The following DERL2 variants were observed in gnomAD, a reference collection of about 807,000 sequenced individuals.
The protein encoded by DERL2 is derlin 2.
In DERL2, 13 loss-of-function variants were observed where a neutral mutation model predicts 32.0. The observed-to-expected ratio is 0.41, with a 90% CI of 0.26 to 0.65. DERL2 has a LOEUF of 0.65. DERL2 is among the 30% of genes least tolerant of loss of function. The pLI is 0.35. For synonymous variants in DERL2, 111 were observed against 104.7 expected (o/e 1.06, Z -0.37); for missense variants, 208 against 296.3 (o/e 0.70, Z 2.19).
Position 5,474,853 on chromosome 17 carries a change from G to C in DERL2, c.615-64C>G. 1 of 1,291,910 alleles carries C rather than the reference G, an allele frequency of 7.7e-7. No homozygotes were observed. 80.0% of individuals were successfully genotyped at this position (1,291,910 alleles called of 1,614,324 possible). ...CATCTCAGGTCCAAAGTACTACAAG[G>C]TCAGTTCAGGCCCCATAGGGTTTCC... On this transcript the variant is annotated intron_variant, in intron 6 of 6. Coordinates refer to ENST00000158771, the MANE Select transcript of DERL2 (RefSeq NM_016041.5). The surrounding 1 kb of genome is among the most constrained non-coding windows in gnomAD (Gnocchi z 4.3).
chr17:5,479,817 T>A (rs1277612668), intron 6 of DERL2, among the ~76,000 whole-genome samples: 1 of 152,170 alleles, frequency 6.6e-6, no homozygotes, highest in African/African-American at 2.4e-5. Flanking sequence ...TCTCTAACAA[T>A]TACCAGGTTA....
intron 6 of DERL2, among the ~76,000 whole-genome samples, chr17:5,478,698 C>T (rs994794365): frequency 1.3e-5 from 2 of 152,204 alleles, no homozygotes; most frequent in Admixed American, 1.3e-4. Flanking sequence ...GCACTAACGT[C>T]AATGTCCATC....
At chr17:5,476,037 G>C (rs1049870030) in intron 6 of DERL2, among the ~76,000 whole-genome samples, 1 of 152,154 alleles carries the variant, frequency 6.6e-6, no homozygotes, top group African/African-American at 2.4e-5. Context: ...CATTTAAAAT[G>C]AGTTAAGATG....
In DERL2 at chr17:5,481,467, C is replaced by T. The variant is rs1487495384; in HGVS notation, c.234-78G>A. 13 of 957,572 alleles carry T rather than the reference C, an allele frequency of 1.4e-5. No homozygotes were observed. The highest frequency in any genetic ancestry group is 2.2e-5 in the Non-Finnish European group (13 of 602,760). 59.3% of individuals were successfully genotyped at this position (957,572 alleles called of 1,614,324 possible). ...AATTTAATGTTATCTTGTAAGTACACTTGGATTCCATATTATTTGTAATTA... is the reference window on the plus strand; with the variant it reads ...AATTTAATGTTATCTTGTAAGTACATTTGGATTCCATATTATTTGTAATTA... On this transcript the variant is annotated intron_variant, in intron 3 of 6. Coordinates refer to ENST00000158771, the MANE Select transcript of DERL2 (RefSeq NM_016041.5). The surrounding 1 kb of genome is among the most constrained non-coding windows in gnomAD (Gnocchi z 4.4).
Position 5,481,233 on chromosome 17 carries a change from A to G in DERL2, c.327+63T>C. The G allele has an allele frequency of 8.4e-7, 1 of 1,192,768 alleles. No homozygotes were observed. The highest frequency in any genetic ancestry group is 1.9e-4 in the Middle Eastern group (1 of 5,272). 73.9% of individuals were successfully genotyped at this position (1,192,768 alleles called of 1,614,324 possible). On this transcript the variant is annotated intron_variant, in intron 4 of 6. Coordinates refer to ENST00000158771, the MANE Select transcript of DERL2 (RefSeq NM_016041.5). This position sits in a 1 kb window ranked among gnomAD's most constrained non-coding sequence, Gnocchi z 4.4. Reference sequence around the variant, plus strand: ...TCTAGAGAACTGTGGGAGACAGATGACAAGCTTTAGGAAGAGCCAGGGTGT... The same window carrying G: ...TCTAGAGAACTGTGGGAGACAGATGGCAAGCTTTAGGAAGAGCCAGGGTGT...
Position 5,481,189 on chromosome 17 carries a change from T to C in DERL2, c.327+107A>G. On this transcript the variant is annotated intron_variant, in intron 4 of 6. Coordinates refer to ENST00000158771, the MANE Select transcript of DERL2 (RefSeq NM_016041.5). This position sits in a 1 kb window ranked among gnomAD's most constrained non-coding sequence, Gnocchi z 4.4. Reference sequence around the variant, plus strand: ...AGAAAATGTGCTGTAAAATAAATGATAGTGCCCTGAAGCTAAGATCTAGAG... The same window carrying C: ...AGAAAATGTGCTGTAAAATAAATGACAGTGCCCTGAAGCTAAGATCTAGAG... The C allele has an allele frequency of 1.2e-6, 1 of 829,606 alleles. No homozygotes were observed. The highest frequency in any genetic ancestry group is 2.0e-6 in the Non-Finnish European group (1 of 490,448). The allele number at this position is 829,606 out of a possible 1,614,324, so 51.4% of individuals were successfully genotyped here. A position where few individuals can be genotyped will look rare whatever the true frequency, so the allele number is the denominator to read the frequency against.
Position 5,474,524 on chromosome 17 carries a change from T to C in DERL2, c.*160A>G. On this transcript the variant is annotated 3_prime_UTR_variant, in exon 7 of 7. Transcript: ENST00000158771. The surrounding 1 kb of genome is among the most constrained non-coding windows in gnomAD (Gnocchi z 4.3). ...GGAACCACTGGCAAACTGTTGGAAA[T>C]GTCTTCTGGATTAGTCAGTGTACCA... is the stretch of plus-strand genomic sequence containing the variant. 1.8e-6 allele frequency: 1 copy of C among 552,390 alleles called. No individual in the cohort carries two copies. Among genetic ancestry groups the C allele is most frequent in the South Asian group, 2.6e-5 (1 of 38,658 alleles). The allele number at this position is 552,390 out of a possible 1,614,324, so 34.2% of individuals were successfully genotyped here.
rs1905788352 is a variant in DERL2, at chr17:5,481,638, C to T, written c.234-249G>A. 6.6e-6 allele frequency among the ~76,000 whole-genome samples: 1 copy of T among 151,850 alleles called. No homozygotes were observed. The highest frequency in any genetic ancestry group is 2.4e-5 in the African/African-American group (1 of 41,364). On this transcript the variant is annotated intron_variant, in intron 3 of 6. Transcript: ENST00000158771. This position sits in a 1 kb window ranked among gnomAD's most constrained non-coding sequence, Gnocchi z 4.4. ...TCCAGATGACACACAGACATGCTTTCAGTCCCCTATTCTTTTTTTTTTTTC... is the reference window on the plus strand; with the variant it reads ...TCCAGATGACACACAGACATGCTTTTAGTCCCCTATTCTTTTTTTTTTTTC...
rs561137889 is a variant in DERL2, at chr17:5,478,732, C to T, written c.614+1322G>A. Among the ~76,000 whole-genome samples the T allele has an allele frequency of 2.0e-5, 3 of 152,336 alleles. No individual in the cohort carries two copies. The East Asian group carries it at 5.8e-4, about 29-fold the overall frequency. ...TCAACAAGGGATTAGTATAATTACA[C>T]CATATCCATACCATGGAATATCACC... is the stretch of plus-strand genomic sequence containing the variant. On this transcript the variant is annotated intron_variant, in intron 6 of 6. Transcript: ENST00000158771.
chr17:5,483,817 A>G (rs946567035), intron 2 of DERL2, among the ~76,000 whole-genome samples: 3 of 152,252 alleles, frequency 2.0e-5, no homozygotes, highest in African/African-American at 2.4e-5. Flanking sequence ...AAAGCCAAGT[A>G]GGAAGCAAGA....
intron 4 of DERL2, 60 bp from the exon 5 acceptor site, chr17:5,480,642 G>A (rs1185589785): frequency 1.5e-6 from 2 of 1,351,468 alleles, no homozygotes; most frequent in East Asian, 2.7e-5. Context: ...AGACTGAGCA[G>A]GAGAACTAAA....
chr17:5,481,234 C>T lies in DERL2; in HGVS notation c.327+62G>A. ...CTAGAGAACTGTGGGAGACAGATGACAAGCTTTAGGAAGAGCCAGGGTGTT... is the reference window on the plus strand; with the variant it reads ...CTAGAGAACTGTGGGAGACAGATGATAAGCTTTAGGAAGAGCCAGGGTGTT... On this transcript the variant is annotated intron_variant, in intron 4 of 6. Coordinates refer to ENST00000158771, the MANE Select transcript of DERL2 (RefSeq NM_016041.5). This position sits in a 1 kb window ranked among gnomAD's most constrained non-coding sequence, Gnocchi z 4.4. 1 of 1,212,960 alleles carries T rather than the reference C, an allele frequency of 8.2e-7. No individual in the cohort carries two copies. Among genetic ancestry groups the T allele is most frequent in the Non-Finnish European group, 1.2e-6 (1 of 815,134 alleles). The allele number at this position is 1,212,960 out of a possible 1,614,324, so 75.1% of individuals were successfully genotyped here.
At chr17:5,484,263 T>C (rs772032115) in intron 2 of DERL2, among the ~76,000 whole-genome samples, 1 of 152,244 alleles carries the variant, frequency 6.6e-6, no homozygotes, top group Non-Finnish European at 1.5e-5. Context: ...CATTTTATTT[T>C]GAGACAGGGT....
At position 5,478,990 on chromosome 17, in the gene DERL2, T is replaced by G. The variant is rs146479891; in HGVS notation, c.614+1064A>C. On this transcript the variant is annotated intron_variant, in intron 6 of 6. Transcript: ENST00000158771. ...ACATGCCACCATATGCAGCTGATTTTGGGATTTTTTGTAGAGATGGGGTTT... is the reference window on the plus strand; with the variant it reads ...ACATGCCACCATATGCAGCTGATTTGGGGATTTTTTGTAGAGATGGGGTTT... Among the ~76,000 whole-genome samples, 683 of 152,304 alleles carry G rather than the reference T, an allele frequency of 4.5e-3. 6 individuals are homozygous for G. The highest frequency in any genetic ancestry group is 0.016 in the African/African-American group (644 of 41,540).
At chr17:5,478,994 A>AT (rs1302444940) in intron 6 of DERL2, among the ~76,000 whole-genome samples, 1 of 151,898 alleles carries the variant, frequency 6.6e-6, no homozygotes, top group Non-Finnish European at 1.5e-5. Context: ...TGATTTTGGG[A>AT]TTTTTTGTAG....
Position 5,480,388 on chromosome 17 carries a change from C to A in DERL2, c.522G>T (p.Leu174Phe). 1.2e-6 allele frequency: 2 copies of A among 1,610,060 alleles called. No homozygotes were observed. Among genetic ancestry groups the A allele is most frequent in the South Asian group, 1.1e-5 (1 of 89,914 alleles). ...AAAAAATAGTGAGAAGAGCCTTACC[C>A]AAAAGGTCCACAATGATTGAGTTCC... ...LLGNSIIVDL[L>F]GIAVGHIYFF... is the part of the protein sequence containing the mutation. The change falls in exon 5 of 7, where the codon TTG (leucine) becomes TTT (phenylalanine). Residue 174 changes from leucine (L) to phenylalanine (F), a missense_variant and splice_region_variant. Physicochemically the swap from Leu to Phe is conservative, Grantham distance 22. Transcript: ENST00000158771.
chr17:5,480,896 T>C (rs1285392631), intron 4 of DERL2: 1 of 483,280 alleles, frequency 2.1e-6, no homozygotes, highest in Non-Finnish European at 3.6e-6. Context: ...TTAGCACCTT[T>C]ACAGAGATGA....
chr17:5,479,971 G>A lies in DERL2; in HGVS notation c.614+83C>T. The stretch of plus-strand genomic sequence containing the variant: ...CTGACCTGAGCTATGTGTACTAGGA[G>A]CTAGGGGAGCCAAAGAAAACACAGA... On this transcript the variant is annotated intron_variant, in intron 6 of 6. Coordinates refer to ENST00000158771, the MANE Select transcript of DERL2 (RefSeq NM_016041.5). 5 of 827,452 alleles carry A rather than the reference G, an allele frequency of 6.0e-6. No individual in the cohort carries two copies. In the South Asian group the frequency reaches 7.9e-5, roughly 13 times the overall value. The allele number at this position is 827,452 out of a possible 1,614,324, so 51.3% of individuals were successfully genotyped here. A position where few individuals can be genotyped will look rare whatever the true frequency, so the allele number is the denominator to read the frequency against.
At position 5,486,101 on chromosome 17, in the gene DERL2, T is replaced by C. The variant is rs559457949; in HGVS notation, c.61A>G (p.Thr21Ala). Reference sequence around the variant, plus strand: ...GCGGTGGTGAGGACGCAGGCAGTGGTGTAGGCGCGGCTGACCGGTGGGATC... The same window carrying C: ...GCGGTGGTGAGGACGCAGGCAGTGGCGTAGGCGCGGCTGACCGGTGGGATC... ...LQIPPVSRAYTTACVLTTAAV... is the reference protein window; with the variant it reads ...LQIPPVSRAYATACVLTTAAV... The change falls in exon 1 of 7, where the codon ACC becomes GCC. Residue 21 changes from threonine to alanine, a missense_variant. Thr to Ala is a moderately conservative substitution (Grantham distance 58, BLOSUM62 0). Transcript: ENST00000158771. 30 of 1,611,626 alleles carry C rather than the reference T, an allele frequency of 1.9e-5. No individual in the cohort carries two copies. The highest frequency in any genetic ancestry group is 2.5e-5 in the Non-Finnish European group (29 of 1,179,198).
Sources: gnomAD v4.1 joint callset for allele counts (sites outside exome capture counted in the v4.1 genomes callset) on GRCh38, gnomAD v4.1.1 for gene constraint, Gnocchi (gnomAD v3.1) non-coding constraint, MANE v1.5 for transcripts, NCBI Gene and HGNC (gene_info 2026-07-23, HGNC 2026-07-21) for gene names.